MCPH1: variants seen among roughly 807,000 people sequenced by gnomAD.
MCPH1 encodes microcephalin 1, also known as microcephalin.
MCPH1 carries 104 observed loss-of-function variants against 84.5 expected under a neutral mutation model. That is an observed-to-expected ratio of 1.23 (90% CI 1.05 to 1.45). The LOEUF is 1.45. Among genes scored for constraint, MCPH1 ranks in the 40% most tolerant of loss-of-function variants. MCPH1 has a pLI of 0.00. For missense variants in MCPH1, 1,498 were observed against 1,005.7 expected, an observed-to-expected ratio of 1.49 and a Z score of -6.62; for synonymous variants, 514 against 366.8, an observed-to-expected ratio of 1.40 and a Z score of -4.58.
intron 10 of MCPH1, among the ~76,000 whole-genome samples, chr8:6,480,207 T>C (rs1345096868): frequency 6.6e-6 from 1 of 150,598 alleles, no homozygotes; most frequent in African/African-American, 2.5e-5. Context: ...CACTGCAACC[T>C]CCACCTCCCG....
At chr8:6,452,359 C>A (rs1193926159) in intron 8 of MCPH1, among the ~76,000 whole-genome samples, 1 of 152,140 alleles carries the variant, frequency 6.6e-6, no homozygotes, top group Non-Finnish European at 1.5e-5. Context: ...AAACTAATTT[C>A]CAAATGGTGA....
chr8:6,611,637 A>C (rs1586794580), intron 12 of MCPH1, among the ~76,000 whole-genome samples: 1 of 151,654 alleles, frequency 6.6e-6, no homozygotes, highest in East Asian at 1.9e-4. Flanking sequence ...TTTTTTTTTA[A>C]AGACATAGTC....
intron 13 of MCPH1, chr8:6,626,510 C>CT: frequency 3.1e-6 from 3 of 971,242 alleles, no homozygotes; most frequent in Non-Finnish European, 3.6e-6. Flanking sequence ...AGAGAGCACA[C>CT]TTGTGGGTGG....
At chr8:6,440,771 T>G (rs1803388254) in intron 6 of MCPH1, among the ~76,000 whole-genome samples, 2 of 152,236 alleles carry the variant, frequency 1.3e-5, no homozygotes, top group African/African-American at 2.4e-5. Context: ...GATCAACTAT[T>G]ACCTCGCTTA....
intron 12 of MCPH1, among the ~76,000 whole-genome samples, chr8:6,593,896 G>A (rs1828713025): frequency 6.6e-6 from 1 of 152,178 alleles, no homozygotes; most frequent in South Asian, 2.1e-4. Context: ...TTATGCAAAA[G>A]TGGCCGTCCC....
chr8:6,516,548 A>G (rs1816310304), intron 12 of MCPH1, among the ~76,000 whole-genome samples: 1 of 152,232 alleles, frequency 6.6e-6, no homozygotes, highest in South Asian at 2.1e-4. Flanking sequence ...CAGTTCATGA[A>G]TAATACTGCC....
At chr8:6,595,868 G>A (rs1352513531) in intron 12 of MCPH1, among the ~76,000 whole-genome samples, 4 of 152,186 alleles carry the variant, frequency 2.6e-5, no homozygotes, top group Non-Finnish European at 5.9e-5. Context: ...TACAGATGAC[G>A]AAGCATCAGA....
intron 12 of MCPH1, among the ~76,000 whole-genome samples, chr8:6,505,960 A>T (rs371222520): frequency 5.9e-4 from 1 of 1,692 alleles, no homozygotes; most frequent in African/African-American, 8.0e-4. Flanking sequence ...TGTATATATA[A>T]AAACATACAT....
chr8:6,457,468 G>C (rs1272133675), intron 9 of MCPH1, among the ~76,000 whole-genome samples: 1 of 152,138 alleles, frequency 6.6e-6, no homozygotes, highest in Non-Finnish European at 1.5e-5. Flanking sequence ...GGCCAGGCCT[G>C]GTGGTGGGCA....
chr8:6,509,475 G>C (rs750810738), intron 12 of MCPH1, among the ~76,000 whole-genome samples: 15 of 152,180 alleles, frequency 9.9e-5, no homozygotes, highest in African/African-American at 3.1e-4. Context: ...GGGGGCCCCG[G>C]GGGGGATGGA....
chr8:6,626,597 G>T, intron 13 of MCPH1: 1 of 983,852 alleles, frequency 1.0e-6, no homozygotes, highest in Non-Finnish European at 1.2e-6. Context: ...ACCTTTACCT[G>T]ATATTGATAA....
chr8:6,541,225 A>G (rs910963917), intron 12 of MCPH1, among the ~76,000 whole-genome samples: 2 of 152,222 alleles, frequency 1.3e-5, no homozygotes, highest in Non-Finnish European at 2.9e-5. Flanking sequence ...TCCCTGACAC[A>G]GCAGGGGATG....
intron 12 of MCPH1, chr8:6,502,848 CG>C (rs528636943): frequency 2.3e-4 from 104 of 448,728 alleles, no homozygotes; most frequent in African/African-American, 1.7e-3. Context: ...TTCTCAGCCT[CG>C]GGTTCATCTT....
chr8:6,444,269 T>G, intron 7 of MCPH1, 124 bp from the exon 8 acceptor site: 1 of 1,080,088 alleles, frequency 9.3e-7, no homozygotes, highest in Admixed American at 2.3e-5. Context: ...AGAACTCAAG[T>G]GTGGTTAATA....
chr8:6,446,408 G>A (rs559790405), intron 8 of MCPH1: 5 of 985,236 alleles, frequency 5.1e-6, no homozygotes, highest in Non-Finnish European at 4.8e-6. Flanking sequence ...GAGAAGTCAT[G>A]GTAGCGTTTG....
intron 6 of MCPH1, among the ~76,000 whole-genome samples, chr8:6,440,629 G>A (rs1320356529): frequency 1.3e-5 from 2 of 152,140 alleles, no homozygotes; most frequent in African/African-American, 4.8e-5. Flanking sequence ...AAACTGAATG[G>A]CATTAGCCTG....
chr8:6,641,974 G>A (rs958629810), intron 13 of MCPH1, among the ~76,000 whole-genome samples: 3 of 152,120 alleles, frequency 2.0e-5, no homozygotes, highest in Non-Finnish European at 2.9e-5. Flanking sequence ...TTTGTATTGA[G>A]AAGACAACAG....
Position 6,525,189 on chromosome 8 carries a change from A to G in MCPH1, c.2214+25260A>G, listed in dbSNP as rs151117886. 4.8e-3 allele frequency among the ~76,000 whole-genome samples: 730 copies of G among 152,324 alleles called. 5 individuals carry two copies. The highest frequency in any genetic ancestry group is 0.017 in the African/African-American group (699 of 41,570). ...ATCTCGCCCATAAGCAATAACAATC[A>G]GTATTAATAATAATTATTAGATATT... is the stretch of plus-strand genomic sequence containing the variant. On this transcript the variant is annotated intron_variant, in intron 12 of 13. Transcript: ENST00000344683.
chr8:6,487,445 T>C (rs1162086693), intron 11 of MCPH1, among the ~76,000 whole-genome samples: 1 of 152,204 alleles, frequency 6.6e-6, no homozygotes, highest in Non-Finnish European at 1.5e-5. Context: ...AAATTATAAC[T>C]CATGGGAGAA....
Sources: gnomAD v4.1 joint callset for allele counts (sites outside exome capture counted in the v4.1 genomes callset) on GRCh38, gnomAD v4.1.1 for gene constraint, MANE v1.5 for transcripts, NCBI Gene and HGNC (gene_info 2026-07-23, HGNC 2026-07-21) for gene names.